POLN: variants seen among roughly 807,000 people sequenced by gnomAD.
POLN encodes the protein DNA polymerase nu, also known as DNA polymerase N.
POLN carries 108 observed loss-of-function variants against 113.5 expected under a neutral mutation model. The ratio of observed to expected loss-of-function variants is 0.95; its 90% CI spans 0.81 to 1.12. The LOEUF (loss-of-function observed/expected upper bound fraction) is 1.12, where lower values mean the gene tolerates loss of function less well. Among genes scored for constraint, POLN ranks in the 50% most tolerant of loss-of-function variants. The pLI, the probability that POLN is intolerant of heterozygous loss-of-function variation, is 0.00. For missense variants in POLN, 1,097 were observed against 1,077.1 expected (o/e 1.02, Z -0.26); for synonymous variants, 386 against 391.5 (o/e 0.99, Z 0.17).
chr4:2,193,070 C>G (rs911012289), intron 7 of POLN, 134 bp downstream of exon 7: 9 of 630,654 alleles, frequency 1.4e-5, no homozygotes, highest in Non-Finnish European at 2.5e-5. Flanking sequence ...TAGGGCCCAT[C>G]AGGAGGCATA....
At chr4:2,214,885 A>G (rs1734073776) in intron 3 of POLN, among the ~76,000 whole-genome samples, 1 of 151,854 alleles carries the variant, frequency 6.6e-6, no homozygotes, top group East Asian at 1.9e-4. Context: ...ACACATATAC[A>G]CATACATATA....
intron 7 of POLN, among the ~76,000 whole-genome samples, chr4:2,190,678 T>C (rs764209152): frequency 1.3e-5 from 2 of 152,092 alleles, no homozygotes; most frequent in South Asian, 2.1e-4. Context: ...AACAGCTCAA[T>C]AGGGGGAAAA....
intron 21 of POLN, among the ~76,000 whole-genome samples, chr4:2,084,094 C>T (rs1730495064): frequency 2.0e-5 from 3 of 152,214 alleles, no homozygotes; most frequent in Admixed American, 6.5e-5. Context: ...CATCTCTTAC[C>T]TGCCATTCTC....
In POLN at chr4:2,198,627, G is replaced by A. The variant is rs756851198; in HGVS notation, c.805C>T (p.Pro269Ser). ...TCTGACACAAAGCCCTCCAGAACAG[G>A]ACCACAGGCCGGGGCATCTGGACAG... ...HGCPDAPACG[P>S]VLEGFVSDDP... The change falls in exon 6 of 26, where the codon CCT becomes TCT. Residue 269 changes from proline (P) to serine (S), a missense_variant. Pro to Ser is a moderately conservative substitution (Grantham distance 74, BLOSUM62 -1). Transcript: ENST00000511885. 6.2e-7 allele frequency: 1 copy of A among 1,613,896 alleles called. No individual in the cohort carries two copies. Among genetic ancestry groups the A allele is most frequent in the Non-Finnish European group, 8.5e-7 (1 of 1,179,974 alleles).
intron 4 of POLN, among the ~76,000 whole-genome samples, chr4:2,209,861 C>T (rs1485947660): frequency 2.0e-5 from 3 of 150,840 alleles, no homozygotes; most frequent in African/African-American, 7.3e-5. Flanking sequence ...GGGGTTTCAC[C>T]ATGTTCCCCA....
chr4:2,207,594 A>G (rs189374046), intron 5 of POLN, among the ~76,000 whole-genome samples: 3 of 152,312 alleles, frequency 2.0e-5, no homozygotes, highest in Admixed American at 2.0e-4. Context: ...ACATTTCATC[A>G]AAGAAGATAT....
chr4:2,240,862 A>C, intron 2 of POLN: 1 of 1,612,442 alleles, frequency 6.2e-7, no homozygotes, highest in South Asian at 1.1e-5. Context: ...TCAAACAACC[A>C]GTCAAAGTCT....
intron 3 of POLN, among the ~76,000 whole-genome samples, chr4:2,223,504 C>T (rs1734313307): frequency 6.6e-6 from 1 of 152,170 alleles, no homozygotes; most frequent in African/African-American, 2.4e-5. Flanking sequence ...CCAAAAGCAT[C>T]CACCCGACCC....
intron 3 of POLN, among the ~76,000 whole-genome samples, chr4:2,215,191 G>T (rs1734082816): frequency 6.6e-6 from 1 of 152,098 alleles, no homozygotes; most frequent in Non-Finnish European, 1.5e-5. Context: ...TCCACATCAT[G>T]AAATACATAG....
chr4:2,178,522 A>G (rs904605401), intron 8 of POLN, among the ~76,000 whole-genome samples: 3 of 152,126 alleles, frequency 2.0e-5, no homozygotes. Context: ...GCACAGTTCT[A>G]GAAGGTGTGA....
rs149365219 is a variant in POLN, at chr4:2,190,863, A to T, written c.1021+2341T>A. Among the ~76,000 whole-genome samples the T allele has an allele frequency of 1.5e-3, 224 of 152,372 alleles. 1 individual carries two copies. The highest frequency in any genetic ancestry group is 4.9e-3 in the African/African-American group (205 of 41,586). ...TTAAAACGACTTTCATCAAAAAGAT[A>T]GGGAATAACAGATACTGGTGAGGAT... is the stretch of plus-strand genomic sequence containing the variant. On this transcript the variant is annotated intron_variant, in intron 7 of 25. Transcript: ENST00000511885.
At chr4:2,177,317 G>A in intron 8 of POLN, 2 of 481,422 alleles carry the variant, frequency 4.2e-6, no homozygotes, top group South Asian at 3.1e-5. Context: ...TGGTCTTGCT[G>A]TCCTCCATAG....
intron 7 of POLN, among the ~76,000 whole-genome samples, chr4:2,185,401 G>A (rs1158012131): frequency 1.3e-5 from 2 of 152,250 alleles, no homozygotes; most frequent in Non-Finnish European, 2.9e-5. Context: ...AACTGCAAGA[G>A]TGTAAGACAG....
At chr4:2,224,041 T>C (rs1282285582) in intron 3 of POLN, among the ~76,000 whole-genome samples, 3 of 152,282 alleles carry the variant, frequency 2.0e-5, no homozygotes, top group Non-Finnish European at 4.4e-5. Context: ...TTTAAACTTT[T>C]GAACTCTTTT....
At chr4:2,092,512 G>T (rs890483212) in intron 20 of POLN, among the ~76,000 whole-genome samples, 1 of 152,174 alleles carries the variant, frequency 6.6e-6, no homozygotes, top group African/African-American at 2.4e-5. Flanking sequence ...TGGCTGCTCT[G>T]TTACTCCATG....
chr4:2,130,144 A>G (rs528047376), intron 17 of POLN, among the ~76,000 whole-genome samples: 3 of 152,150 alleles, frequency 2.0e-5, no homozygotes, highest in Admixed American at 1.3e-4. Context: ...AATCCCAGCT[A>G]CTAGGGAGGC....
chr4:2,183,074 C>T (rs189235726), intron 7 of POLN, among the ~76,000 whole-genome samples: 1 of 152,284 alleles, frequency 6.6e-6, no homozygotes, highest in African/African-American at 2.4e-5. Context: ...TATCATTAGG[C>T]ATCAGTATAA....
At chr4:2,190,107 T>C (rs1385006520) in intron 7 of POLN, among the ~76,000 whole-genome samples, 2 of 150,806 alleles carry the variant, frequency 1.3e-5, no homozygotes, top group Non-Finnish European at 2.9e-5. Context: ...AAAGCAATCA[T>C]GAGCAAAAAC....
chr4:2,209,426 C>T (rs1209113927), intron 4 of POLN, among the ~76,000 whole-genome samples: 1 of 146,576 alleles, frequency 6.8e-6, no homozygotes, highest in African/African-American at 2.5e-5. Context: ...TTGCAGTGAG[C>T]TGAGATCATG....
Sources: gnomAD v4.1 joint callset for allele counts (sites outside exome capture counted in the v4.1 genomes callset) on GRCh38, gnomAD v4.1.1 for gene constraint, MANE v1.5 for transcripts, NCBI Gene and HGNC (gene_info 2026-07-23, HGNC 2026-07-21) for gene names.